BCAR1: variants seen among roughly 807,000 people sequenced by gnomAD.
BCAR1 encodes BCAR1 scaffold protein, Cas family member.
In BCAR1, 30 loss-of-function variants were observed where a neutral mutation model predicts 67.6. The observed-to-expected ratio is 0.44, with a 90% CI of 0.33 to 0.60. The LOEUF is 0.60. BCAR1 is among the 20% of genes least tolerant of loss of function. The probability of loss-of-function intolerance (pLI) is 0.02; values close to 1 mark genes in which losing one functional copy is unlikely to be tolerated. For synonymous variants in BCAR1, 626 were observed against 556.7 expected (o/e 1.12, Z -1.75); for missense variants, 1,313 against 1,222.3 (o/e 1.07, Z -1.11).
intron 1 of BCAR1, among the ~76,000 whole-genome samples, chr16:75,262,125 T>C (rs1164276605): frequency 6.6e-6 from 1 of 151,862 alleles, no homozygotes; most frequent in Non-Finnish European, 1.5e-5. Flanking sequence ...CAAAACACTC[T>C]CCCCACCCCG....
Position 75,235,659 on chromosome 16 carries a change from G to A in BCAR1, c.1240C>T (p.Pro414Ser), listed in dbSNP as rs2077093698. The change falls in exon 5 of 7, where the codon CCC becomes TCC. Residue 414 changes from proline to serine, a missense_variant. Transcript: ENST00000162330. Reference protein sequence around the residue: ...VVDSGVYAVPPPAEREAPAEG... With the variant: ...VVDSGVYAVPSPAEREAPAEG... ...GCCGGGGCTTCACGTTCAGCTGGGG[G>A]AGGCACCGCATACACACCACTGTCG... The A allele has an allele frequency of 3.1e-6, 5 of 1,610,522 alleles. No homozygotes were observed. Among genetic ancestry groups the A allele is most frequent in the East Asian group, 2.2e-5 (1 of 44,856 alleles).
intron 1 of BCAR1, among the ~76,000 whole-genome samples, chr16:75,261,170 G>A (rs1011894365): frequency 6.6e-6 from 1 of 152,182 alleles, no homozygotes; most frequent in Non-Finnish European, 1.5e-5. Flanking sequence ...TTCCTGCAGA[G>A]AGGGAGACAA....
upstream of BCAR1, among the ~76,000 whole-genome samples, chr16:75,253,603 C>T (rs532319815): frequency 5.3e-5 from 8 of 152,080 alleles, no homozygotes; most frequent in Admixed American, 2.6e-4. Context: ...AAACAGGCTC[C>T]GACACAGGCA....
chr16:75,250,851 C>A, intron 1 of BCAR1: 1 of 985,530 alleles, frequency 1.0e-6, no homozygotes, highest in Non-Finnish European at 1.2e-6. Context: ...CGGCTTCCAC[C>A]GGCGCTCGGC....
At chr16:75,239,378 C>T (rs984417156) in intron 2 of BCAR1, among the ~76,000 whole-genome samples, 9 of 152,284 alleles carry the variant, frequency 5.9e-5, no homozygotes, top group Middle Eastern at 3.4e-3. Context: ...GCCAGGTGCA[C>T]GCACAGAACC....
In BCAR1 at chr16:75,229,351, G is replaced by A. The variant is rs1051234223; in HGVS notation, c.*160C>T. ...GGAGGCATGGCCCCACACCCTGCCC[G>A]GCCATAAATATATACAGATTCCTGG... On this transcript the variant is annotated 3_prime_UTR_variant, in exon 7 of 7. Transcript: ENST00000162330. 64 of 1,192,674 alleles carry A rather than the reference G, an allele frequency of 5.4e-5. No homozygotes were observed. The African/African-American group carries it at 6.6e-4, about 12-fold the overall frequency. 73.9% of individuals were successfully genotyped at this position (1,192,674 alleles called of 1,614,324 possible). A position where few individuals can be genotyped will look rare whatever the true frequency, so the allele number is the denominator to read the frequency against.
At chr16:75,262,145 C>T (rs1459256773) in intron 1 of BCAR1, among the ~76,000 whole-genome samples, 2 of 152,174 alleles carry the variant, frequency 1.3e-5, no homozygotes, top group Non-Finnish European at 2.9e-5. Flanking sequence ...GCAGCAGCCT[C>T]TCCAGGAACC....
chr16:75,236,078 G>A (rs1051234455), intron 4 of BCAR1, 92 bp from the exon 5 acceptor site: 18 of 1,180,990 alleles, frequency 1.5e-5, no homozygotes, highest in East Asian at 5.9e-5. Flanking sequence ...ACACACACAC[G>A]TACACACATA....
upstream of BCAR1, chr16:75,252,343 C>G: frequency 6.5e-7 from 1 of 1,532,940 alleles, no homozygotes; most frequent in South Asian, 1.2e-5. Flanking sequence ...GCCTAGTACC[C>G]TCCTGAGTCC....
intron 1 of BCAR1, chr16:75,243,602 T>C: frequency 2.3e-6 from 1 of 437,038 alleles, no homozygotes; most frequent in Non-Finnish European, 4.6e-6. Context: ...AAGTCAGTAA[T>C]TAATTTAGAA....
At chr16:75,264,046 G>T (rs572902557) in intron 1 of BCAR1, 30 of 1,234,250 alleles carry the variant, frequency 2.4e-5, no homozygotes, top group Non-Finnish European at 2.7e-5. Context: ...AAGGGAGAGG[G>T]TAGGAGATGA....
At chr16:75,234,695 C>G (rs936937625) in intron 5 of BCAR1, among the ~76,000 whole-genome samples, 194 bp downstream of exon 5, 1 of 152,200 alleles carries the variant, frequency 6.6e-6, no homozygotes, top group African/African-American at 2.4e-5. Flanking sequence ...GATACCAGCC[C>G]GAGGGACTCA....
Position 75,228,658 on chromosome 16 carries a change from C to G in BCAR1, c.*853G>C, listed in dbSNP as rs2076786303. On this transcript the variant is annotated 3_prime_UTR_variant, in exon 7 of 7. Coordinates refer to ENST00000162330, the MANE Select transcript of BCAR1 (RefSeq NM_014567.5). ...CACAGGAACCCGTCCCCTTGTGCAG[C>G]TGTTCCTGCCCCAATCTGCCCTCAC... is the stretch of plus-strand genomic sequence containing the variant. 1 of 152,352 alleles carries G rather than the reference C, an allele frequency of 6.6e-6. No individual in the cohort carries two copies. 9.4% of individuals were successfully genotyped at this position (152,352 alleles called of 1,614,324 possible).
Position 75,239,143 on chromosome 16 carries a change from G to A in BCAR1, c.634-1799C>T, listed in dbSNP as rs187222952. 26 of 978,362 alleles carry A rather than the reference G, an allele frequency of 2.7e-5. No homozygotes were observed. The East Asian group carries it at 2.6e-3, about 99-fold the overall frequency. 60.6% of individuals were successfully genotyped at this position (978,362 alleles called of 1,614,324 possible). The stretch of plus-strand genomic sequence containing the variant: ...AAAACAGAGCAACGCAGCCACCAGG[G>A]GGAAAAGCTCTTTAGGGGAATGACT... On this transcript the variant is annotated intron_variant, in intron 2 of 6. Transcript: ENST00000162330.
Position 75,236,956 on chromosome 16 carries a change from G to C in BCAR1, c.838C>G (p.Arg280Gly), listed in dbSNP as rs774237238. 1.2e-5 allele frequency: 20 copies of C among 1,611,230 alleles called. 1 individual carries two copies. Among genetic ancestry groups the C allele is most frequent in the Middle Eastern group, 1.7e-4 (1 of 6,052 alleles). Residue 280 changes from arginine (R) to glycine (G), a missense_variant, in exon 4 of 7, where the codon CGA becomes GGA. By Grantham distance (125) the Arg-to-Gly change is moderately radical. Coordinates refer to ENST00000162330, the MANE Select transcript of BCAR1 (RefSeq NM_014567.5). ...TCATACACCTCCAGCAACGGGTCTC[G>C]GCCATTGGGACCCTTGACAGCCATG... ...PPMAVKGPNG[R>G]DPLLEVYDVP...
upstream of BCAR1, chr16:75,251,629 G>A (rs534717022): frequency 2.2e-4 from 219 of 1,006,906 alleles, no homozygotes; most frequent in South Asian, 8.7e-3. Flanking sequence ...CGGTCCAGCC[G>A]CTCTCCGCCT....
intron 6 of BCAR1, among the ~76,000 whole-genome samples, chr16:75,233,519 C>T (rs1187404066): frequency 1.3e-5 from 2 of 152,238 alleles, no homozygotes; most frequent in Non-Finnish European, 2.9e-5. Flanking sequence ...ACCATCCCGG[C>T]CATGCAGGGA....
Position 75,242,833 on chromosome 16 carries a change from A to G in BCAR1, c.270T>C (p.His90=), listed in dbSNP as rs1463377594. The change falls in exon 2 of 7, where the codon CAT becomes CAC. Residue 90 remains histidine, a synonymous_variant. Transcript: ENST00000162330. ...ATPAQPQPGL[H]APAPPASQYT... ...ACTGGGAGGCCGGAGGCGCTGGGGC[A>G]TGGAGGCCAGGCTGAGGCTGGGCCG... 1 of 1,607,216 alleles carries G rather than the reference A, an allele frequency of 6.2e-7. No homozygotes were observed. Among genetic ancestry groups the G allele is most frequent in the Non-Finnish European group, 8.5e-7 (1 of 1,177,776 alleles).
chr16:75,232,829 T>G (rs1460520766), intron 6 of BCAR1, among the ~76,000 whole-genome samples: 2 of 152,182 alleles, frequency 1.3e-5, no homozygotes, highest in South Asian at 4.1e-4. Context: ...CTCACTGCTG[T>G]GTGTCGTGGG....
Sources: allele counts gnomAD v4.1 joint callset (sites outside exome capture counted in the v4.1 genomes callset), GRCh38; gene constraint gnomAD v4.1.1; transcripts MANE v1.5; gene names NCBI Gene and HGNC (gene_info 2026-07-23, HGNC 2026-07-21).